CNIH3: variants seen among roughly 807,000 people sequenced by gnomAD.
CNIH3 encodes the protein cornichon family AMPA receptor auxiliary protein 3.
Under a neutral mutation model 24.1 loss-of-function variants are expected in CNIH3, and 14 were observed. That is an observed-to-expected ratio of 0.58 (90% CI 0.38 to 0.91). The LOEUF is 0.91. Ranked by LOEUF, CNIH3 falls within the 40% of genes least tolerant of loss-of-function variation. CNIH3 has a pLI of 0.00. For missense variants in CNIH3, 178 were observed against 196.8 expected, an observed-to-expected ratio of 0.90 and a Z score of 0.57; for synonymous variants, 68 against 73.8, an observed-to-expected ratio of 0.92 and a Z score of 0.40.
intron 1 of CNIH3, among the ~76,000 whole-genome samples, chr1:224,475,305 G>A (rs1167077304): frequency 6.7e-6 from 1 of 149,492 alleles, no homozygotes; most frequent in Non-Finnish European, 1.5e-5. Flanking sequence ...GCAGTGAACC[G>A]AGATTGCGCC....
At chr1:224,593,428 A>G (rs138524694), downstream of CNIH3, among the ~76,000 whole-genome samples, 1 of 152,266 alleles carries the variant, frequency 6.6e-6, no homozygotes, top group Non-Finnish European at 1.5e-5. Flanking sequence ...ACTACTACAC[A>G]TCTGCGGGGC....
chr1:224,470,112 G>A (rs866780491), intron 1 of CNIH3, among the ~76,000 whole-genome samples: 1 of 150,928 alleles, frequency 6.6e-6, no homozygotes. Flanking sequence ...TCTGCTTCCC[G>A]GGTTCATGCC....
intron 1 of CNIH3, among the ~76,000 whole-genome samples, chr1:224,465,831 C>T (rs2102990197): frequency 6.6e-6 from 1 of 152,092 alleles, no homozygotes; most frequent in Non-Finnish European, 1.5e-5. Flanking sequence ...AGTTTGAGAC[C>T]AGCCTGGCCA....
At chr1:224,488,367 A>G (rs1383985422) in intron 1 of CNIH3, among the ~76,000 whole-genome samples, 1 of 150,664 alleles carries the variant, frequency 6.6e-6, no homozygotes, top group African/African-American at 2.4e-5. Flanking sequence ...CTGATCTTTA[A>G]ATTAGATAAT....
intron 1 of CNIH3, among the ~76,000 whole-genome samples, chr1:224,666,677 G>T (rs1164373712): frequency 2.0e-5 from 3 of 152,208 alleles, no homozygotes; most frequent in African/African-American, 7.2e-5. Flanking sequence ...GAAGGAGTCT[G>T]TCCATTGGGT....
chr1:224,476,831 C>A (rs1676606554), intron 1 of CNIH3, among the ~76,000 whole-genome samples: 1 of 152,104 alleles, frequency 6.6e-6, no homozygotes. Context: ...CCACAAAAGA[C>A]CTGGAATAGC....
chr1:224,623,348 G>A (rs556567695), intron 1 of CNIH3, among the ~76,000 whole-genome samples: 5 of 152,132 alleles, frequency 3.3e-5, no homozygotes, highest in South Asian at 2.1e-4. Flanking sequence ...GTTTCCTGTC[G>A]CTCCTGTAGT....
chr1:224,435,245 C>G, intron 1 of CNIH3: 1 of 978,506 alleles, frequency 1.0e-6, no homozygotes, highest in Non-Finnish European at 1.2e-6. Flanking sequence ...AGGCACAGGG[C>G]TGTGGTAGGC....
intron 1 of CNIH3, among the ~76,000 whole-genome samples, chr1:224,645,344 A>C (rs957869933): frequency 6.6e-6 from 1 of 152,044 alleles, no homozygotes; most frequent in Non-Finnish European, 1.5e-5. Context: ...GAGGCGGTAC[A>C]CTCACCTCTT....
At chr1:224,553,889 C>T (rs1284388118) in intron 3 of CNIH3, among the ~76,000 whole-genome samples, 1 of 147,414 alleles carries the variant, frequency 6.8e-6, no homozygotes, top group Non-Finnish European at 1.5e-5. Context: ...CTCTATGGGT[C>T]TATAAAACAG....
intron 1 of CNIH3, among the ~76,000 whole-genome samples, chr1:224,642,829 T>C (rs1429472333): frequency 1.3e-5 from 2 of 152,240 alleles, no homozygotes; most frequent in African/African-American, 4.8e-5. Flanking sequence ...GTCTTGCATC[T>C]CTGCATCGAA....
chr1:224,617,008 C>T lies in CNIH3; in HGVS notation c.-167C>T. The T allele has an allele frequency of 2.8e-6, 4 of 1,416,410 alleles. No individual in the cohort carries two copies. The highest frequency in any genetic ancestry group is 3.7e-6 in the Non-Finnish European group (4 of 1,089,880). 87.7% of individuals were successfully genotyped at this position (1,416,410 alleles called of 1,614,324 possible). ...CGCCGGAGCCTGCGGGAATCCAGCG[C>T]TTATTCGCTGACCCTCGAGTCGCTT... On this transcript the variant is annotated 5_prime_UTR_variant, in exon 1 of 6. Transcript: ENST00000272133.
intron 3 of CNIH3, among the ~76,000 whole-genome samples, chr1:224,606,618 G>A (rs1314555930): frequency 6.6e-6 from 1 of 152,166 alleles, no homozygotes; most frequent in Non-Finnish European, 1.5e-5. Flanking sequence ...ACATTCAGGC[G>A]GGAAAACAAA....
chr1:224,673,974 C>T (rs1462767730), intron 1 of CNIH3, among the ~76,000 whole-genome samples: 1 of 152,208 alleles, frequency 6.6e-6, no homozygotes, highest in South Asian at 2.1e-4. Flanking sequence ...GTACATCATT[C>T]AAACACTGTG....
intron 3 of CNIH3, among the ~76,000 whole-genome samples, chr1:224,729,412 CAAAAA>C (rs1184318000): frequency 1.6e-4 from 7 of 44,594 alleles, no homozygotes; most frequent in Middle Eastern, 9.1e-3. Context: ...ACTATGTCTC[CAAAAA>C]AAAAAAAAAA....
intron 1 of CNIH3, among the ~76,000 whole-genome samples, chr1:224,668,190 TCAAAA>T (rs1371568318): frequency 6.6e-6 from 1 of 152,236 alleles, no homozygotes; most frequent in Non-Finnish European, 1.5e-5. Context: ...TGATGATGTC[TCAAAA>T]CAAACTACAA....
At chr1:224,609,502 T>C (rs1168893962) in intron 3 of CNIH3, among the ~76,000 whole-genome samples, 1 of 152,036 alleles carries the variant, frequency 6.6e-6, no homozygotes, top group Admixed American at 6.6e-5. Context: ...CTTGGTGAGC[T>C]GGATTTAAGC....
At chr1:224,661,618 A>G (rs1308574840) in intron 1 of CNIH3, 3 of 340,834 alleles carry the variant, frequency 8.8e-6, no homozygotes, top group South Asian at 3.1e-5. Flanking sequence ...ATGAAATGTG[A>G]TGACAAACTC....
At chr1:224,552,045 C>A (rs1679944620) in intron 3 of CNIH3, among the ~76,000 whole-genome samples, 1 of 151,488 alleles carries the variant, frequency 6.6e-6, no homozygotes, top group South Asian at 2.1e-4. Context: ...TAACATATCT[C>A]CCTTAGATAT....
Sources: gnomAD v4.1 joint callset for allele counts (sites outside exome capture counted in the v4.1 genomes callset) on GRCh38, gnomAD v4.1.1 for gene constraint, MANE v1.5 for transcripts, NCBI Gene and HGNC (gene_info 2026-07-23, HGNC 2026-07-21) for gene names.